Variants in XK observed in about 807,000 individuals in gnomAD.
The protein encoded by XK is endoplasmic reticulum membrane adapter protein XK.
In XK, 2 loss-of-function variants were observed where a neutral mutation model predicts 14.0. That is an observed-to-expected ratio of 0.14 (90% CI 0.06 to 0.45). The LOEUF (loss-of-function observed/expected upper bound fraction) is 0.45, where lower values mean the gene tolerates loss of function less well. Among genes scored for constraint, XK ranks in the 20% least tolerant of loss-of-function variants. XK has a pLI of 0.98. For synonymous variants in XK, 149 were observed against 147.5 expected (o/e 1.01, Z -0.08); for missense variants, 235 against 341.5 (o/e 0.69, Z 2.46).
At chrX:37,725,270 T>C (rs914204866) in intron 2 of XK, among the ~76,000 whole-genome samples, 1 of 111,775 alleles carries the variant, frequency 8.9e-6, no homozygotes, top group Non-Finnish European at 1.9e-5. Context: ...ATGGTGACTG[T>C]AGTTAATAAT....
intron 2 of XK, among the ~76,000 whole-genome samples, chrX:37,700,464 T>C (rs1556443534): frequency 8.9e-6 from 1 of 111,763 alleles, no homozygotes. Flanking sequence ...GTTCTCTCAT[T>C]TTGGGTTGGA....
At chrX:37,705,298 A>C (rs1927497833) in intron 2 of XK, among the ~76,000 whole-genome samples, 1 of 109,649 alleles carries the variant, frequency 9.1e-6, no homozygotes. Context: ...ACAAAAAAAA[A>C]AAAATTAGCC....
At chrX:37,721,879 T>C (rs1927880480) in intron 2 of XK, among the ~76,000 whole-genome samples, 1 of 111,519 alleles carries the variant, frequency 9.0e-6, no homozygotes, top group South Asian at 3.7e-4. Context: ...AGGAATGAAG[T>C]ACTGATACAT....
At chrX:37,719,259 T>C (rs781855943) in intron 2 of XK, among the ~76,000 whole-genome samples, 1 of 111,731 alleles carries the variant, frequency 9.0e-6, no homozygotes, top group Admixed American at 9.5e-5. Flanking sequence ...GACTTTCTCT[T>C]TGACTTTGGT....
chrX:37,727,183 A>G (rs1927991820), intron 2 of XK, among the ~76,000 whole-genome samples: 1 of 111,599 alleles, frequency 9.0e-6, no homozygotes, highest in East Asian at 2.8e-4. Flanking sequence ...AGGAGTGTGG[A>G]AGAAGAGAAA....
At chrX:37,714,361 A>C (rs1927721543) in intron 2 of XK, among the ~76,000 whole-genome samples, 1 of 110,784 alleles carries the variant, frequency 9.0e-6, no homozygotes, top group Non-Finnish European at 1.9e-5. Context: ...TTTCCTGCAG[A>C]AATGACATCT....
chrX:37,729,283 G>A lies in XK; in HGVS notation c.*821G>A, dbSNP rs1928040578. The A allele has an allele frequency of 9.0e-6, 1 of 111,323 alleles. No homozygotes were observed. The highest frequency in any genetic ancestry group is 3.3e-5 in the African/African-American group (1 of 30,600). 9.2% of individuals were successfully genotyped at this position (111,323 alleles called of 1,213,427 possible). A position where few individuals can be genotyped will look rare whatever the true frequency, so the allele number is the denominator to read the frequency against. On this transcript the variant is annotated 3_prime_UTR_variant, in exon 3 of 3. Transcript: ENST00000378616. ...TGCCTCCCCATTCCTTGCCTGTCAG[G>A]ACCATTTTAGAAGAGTTACCTTGGT...
chrX:37,711,638 T>C (rs1261305889), intron 2 of XK, among the ~76,000 whole-genome samples: 2 of 112,061 alleles, frequency 1.8e-5, no homozygotes, highest in African/African-American at 6.5e-5. Flanking sequence ...CCTCTCCCAC[T>C]TCCCACCCAA....
chrX:37,718,510 G>T (rs1216155279), intron 2 of XK, among the ~76,000 whole-genome samples: 1 of 111,972 alleles, frequency 8.9e-6, no homozygotes, highest in African/African-American at 3.2e-5. Context: ...TTTCCAGATT[G>T]TGACTATGAC....
At position 37,731,658 on chromosome X, in the gene XK, A is replaced by G. The variant is rs1928091397; in HGVS notation, c.*3196A>G. On this transcript the variant is annotated 3_prime_UTR_variant, in exon 3 of 3. Transcript: ENST00000378616. ...TATGAGTTCCTGAGTGGATATGCGA[A>G]TCTTTGGTCTTCTCGACAGGTGCCC... 8.9e-6 allele frequency: 1 copy of G among 111,980 alleles called. No homozygotes were observed. The highest frequency in any genetic ancestry group is 3.2e-5 in the African/African-American group (1 of 30,806). 9.2% of individuals were successfully genotyped at this position (111,980 alleles called of 1,213,427 possible).
chrX:37,698,576 G>GAA (rs1556443002), intron 2 of XK, among the ~76,000 whole-genome samples: 1 of 104,111 alleles, frequency 9.6e-6, no homozygotes, highest in Non-Finnish European at 2.0e-5. Flanking sequence ...AAAAGAGGAG[G>GAA]AAAATTGTAC....
At chrX:37,720,979 G>A (rs782768439) in intron 2 of XK, among the ~76,000 whole-genome samples, 1 of 111,206 alleles carries the variant, frequency 9.0e-6, no homozygotes, top group Non-Finnish European at 1.9e-5. Context: ...AAACATATGA[G>A]TGCAGGTATC....
chrX:37,708,805 T>A (rs1007650027), intron 2 of XK, among the ~76,000 whole-genome samples: 1 of 112,518 alleles, frequency 8.9e-6, no homozygotes, highest in East Asian at 2.8e-4. Context: ...GCAAACCTCC[T>A]ACAACTTTCT....
At chrX:37,723,602 G>C (rs1927920006) in intron 2 of XK, among the ~76,000 whole-genome samples, 1 of 111,319 alleles carries the variant, frequency 9.0e-6, no homozygotes, top group African/African-American at 3.3e-5. Flanking sequence ...GGAAATAATT[G>C]ACTGAACAAG....
intron 1 of XK, among the ~76,000 whole-genome samples, chrX:37,691,178 T>C (rs960592906): frequency 5.3e-5 from 6 of 112,623 alleles, no homozygotes; most frequent in African/African-American, 1.9e-4. Context: ...TCTACAATTC[T>C]GCAGAAAGCT....
intron 1 of XK, among the ~76,000 whole-genome samples, chrX:37,692,765 C>A (rs913099097): frequency 9.0e-6 from 1 of 111,430 alleles, no homozygotes; most frequent in African/African-American, 3.2e-5. Flanking sequence ...TGCTAGGCCT[C>A]ATACAGTCCT....
chrX:37,721,066 A>G (rs1927860599), intron 2 of XK, among the ~76,000 whole-genome samples: 1 of 111,044 alleles, frequency 9.0e-6, no homozygotes, highest in Non-Finnish European at 1.9e-5. Context: ...TTCTGTATTT[A>G]GTTCTTTGAG....
At chrX:37,703,852 C>T (rs1556444377) in intron 2 of XK, among the ~76,000 whole-genome samples, 1 of 112,603 alleles carries the variant, frequency 8.9e-6, no homozygotes, top group Non-Finnish European at 1.9e-5. Flanking sequence ...TTGGGAAGCA[C>T]TCAATAACTC....
In XK at chrX:37,727,850, A is replaced by G; in HGVS notation, c.723A>G (p.Ile241Met). ...TGAAGACCTGGGTGGTGGTTATAAT[A>G]CTCATCAACTTCTTCAGTTTCTTCT... ...SVLKTWVVVI[I>M]LINFFSFFLY... The change falls in exon 3 of 3, where the codon ATA becomes ATG. Residue 241 changes from isoleucine (I) to methionine (M), a missense_variant. By Grantham distance (10) the Ile-to-Met change is conservative. Coordinates refer to ENST00000378616, the MANE Select transcript of XK (RefSeq NM_021083.4). The G allele has an allele frequency of 8.3e-7, 1 of 1,210,344 alleles. No individual in the cohort carries two copies. Among genetic ancestry groups the G allele is most frequent in the Middle Eastern group, 2.3e-4 (1 of 4,350 alleles).
Sources: gnomAD v4.1 joint callset for allele counts (sites outside exome capture counted in the v4.1 genomes callset) on GRCh38, gnomAD v4.1.1 for gene constraint, MANE v1.5 for transcripts, NCBI Gene and HGNC (gene_info 2026-07-23, HGNC 2026-07-21) for gene names.